The following KLHL2 variants were observed in gnomAD, a reference collection of about 807,000 sequenced individuals.
KLHL2 encodes the protein kelch-like protein 2.
In KLHL2, 15 loss-of-function variants were observed where a neutral mutation model predicts 75.8. That is an observed-to-expected ratio of 0.20 (90% confidence interval 0.13 to 0.30). KLHL2 has a LOEUF of 0.30. Among genes scored for constraint, KLHL2 ranks in the 10% least tolerant of loss-of-function variants. The pLI is 1.00. For missense variants in KLHL2, 381 were observed against 741.0 expected (o/e 0.51, Z 5.64); for synonymous variants, 214 against 251.9 (o/e 0.85, Z 1.42).
At chr4:165,230,193 G>A (rs942715475) in intron 3 of KLHL2, among the ~76,000 whole-genome samples, 1 of 152,184 alleles carries the variant, frequency 6.6e-6, no homozygotes, top group Non-Finnish European at 1.5e-5. Flanking sequence ...TCTAAGGCTT[G>A]TAAGAGAAGG....
rs1746810413 is a variant in KLHL2, at chr4:165,319,425, A to T, written c.1753+1456A>T. On this transcript the variant is annotated intron_variant, in intron 14 of 14. Coordinates refer to ENST00000226725, the MANE Select transcript of KLHL2 (RefSeq NM_007246.4). This position sits in a 1 kb window ranked among gnomAD's most constrained non-coding sequence, Gnocchi z 4.5. ...ACAAGAAAAAGCTGAATTGCTTGAG[A>T]TATACCATGGATTGAGGTCTGCTGC... Among the ~76,000 whole-genome samples, 1 of 152,218 alleles carries T rather than the reference A, an allele frequency of 6.6e-6. No individual in the cohort carries two copies.
chr4:165,292,325 T>TG (rs1744578677), intron 5 of KLHL2, among the ~76,000 whole-genome samples: 1 of 146,874 alleles, frequency 6.8e-6, no homozygotes, highest in Admixed American at 6.8e-5. Flanking sequence ...ATAGTTATCT[T>TG]GGGGTGAACT....
At chr4:165,267,141 G>A (rs1742305278) in intron 5 of KLHL2, among the ~76,000 whole-genome samples, 1 of 152,202 alleles carries the variant, frequency 6.6e-6, no homozygotes, top group South Asian at 2.1e-4. Context: ...AGGAATGCTT[G>A]TGATTTTTGC....
chr4:165,288,171 T>C (rs535587223), intron 5 of KLHL2, among the ~76,000 whole-genome samples: 1 of 152,168 alleles, frequency 6.6e-6, no homozygotes, highest in Admixed American at 6.5e-5. Context: ...TTTGAATTAA[T>C]TTTTGTGTAT....
In KLHL2 at chr4:165,309,794, A is replaced by C. The variant is rs186503070; in HGVS notation, c.1040-759A>C. 9.2e-5 allele frequency among the ~76,000 whole-genome samples: 14 copies of C among 152,298 alleles called. No homozygotes were observed. In the East Asian group the frequency reaches 2.7e-3, roughly 29 times the overall value. On this transcript the variant is annotated intron_variant, in intron 9 of 14. Coordinates refer to ENST00000226725, the MANE Select transcript of KLHL2 (RefSeq NM_007246.4). ...GGACCAAATTTAGCCTGTAGCTGTA[A>C]ATTTGCCGACCCCTGATTTAGCCCA... is the stretch of plus-strand genomic sequence containing the variant.
rs377740996 is a variant in KLHL2 at position 165,224,803 on chromosome 4, A to G, written c.153-4004A>G. 7.9e-5 allele frequency among the ~76,000 whole-genome samples: 12 copies of G among 152,374 alleles called. No individual in the cohort carries two copies. The Middle Eastern group carries it at 0.01, about 130-fold the overall frequency. ...TAATGTATAATAATCACATTAGAGT[A>G]AATGGGATATCCATGACCTCAAGCA... On this transcript the variant is annotated intron_variant, in intron 2 of 14. Coordinates refer to ENST00000226725, the MANE Select transcript of KLHL2 (RefSeq NM_007246.4).
At chr4:165,236,528 T>A (rs1739360846) in intron 3 of KLHL2, among the ~76,000 whole-genome samples, 1 of 152,320 alleles carries the variant, frequency 6.6e-6, no homozygotes, top group East Asian at 1.9e-4. Context: ...TCATTCATAG[T>A]TTTTAAAATG....
Position 165,230,046 on chromosome 4 carries a change from T to C in KLHL2, c.259+1133T>C, listed in dbSNP as rs1308239666. Among the ~76,000 whole-genome samples the C allele has an allele frequency of 4.6e-5, 7 of 152,282 alleles. No individual in the cohort carries two copies. The East Asian group carries it at 1.2e-3, about 25-fold the overall frequency. On this transcript the variant is annotated intron_variant, in intron 3 of 14. Coordinates refer to ENST00000226725, the MANE Select transcript of KLHL2 (RefSeq NM_007246.4). The stretch of plus-strand genomic sequence containing the variant: ...AAGTTTGGGAGGGTTGCCTTTCAGC[T>C]GAGAGCTGAGGTTGATCTGAAAAGT...
chr4:165,267,385 G>C (rs1307810277), intron 5 of KLHL2, among the ~76,000 whole-genome samples: 1 of 152,130 alleles, frequency 6.6e-6, no homozygotes, highest in African/African-American at 2.4e-5. Context: ...TCCTTGTCCT[G>C]TGCTGGTTTT....
chr4:165,315,192 G>C (rs903268085), intron 13 of KLHL2, among the ~76,000 whole-genome samples: 1 of 152,110 alleles, frequency 6.6e-6, no homozygotes, highest in African/African-American at 2.4e-5. Context: ...TGTCTTCCTG[G>C]ATTAGGAAAT....
intron 4 of KLHL2, among the ~76,000 whole-genome samples, chr4:165,258,534 C>G (rs1378165973): frequency 6.6e-6 from 1 of 151,932 alleles, no homozygotes. Context: ...CAATGTAATT[C>G]TACCTCATAT....
At chr4:165,262,120 C>T (rs1022703692) in intron 4 of KLHL2, among the ~76,000 whole-genome samples, 2 of 151,956 alleles carry the variant, frequency 1.3e-5, no homozygotes, top group Non-Finnish European at 2.9e-5. Context: ...AAATGTTTTT[C>T]TATTATTGAC....
rs746415679 is a variant in KLHL2 at position 165,278,807 on chromosome 4, C to A, written c.544+15448C>A. On this transcript the variant is annotated intron_variant, in intron 5 of 14. Transcript: ENST00000226725. Reference sequence around the variant, plus strand: ...ATTACATAGTAAGAAACATCCTGTTCCATACGTATTTTTGGCTTGTCCAAT... The same window carrying A: ...ATTACATAGTAAGAAACATCCTGTTACATACGTATTTTTGGCTTGTCCAAT... 4 of 1,543,044 alleles carry A rather than the reference C, an allele frequency of 2.6e-6. No homozygotes were observed. The African/African-American group carries it at 4.1e-5, about 16-fold the overall frequency.
At chr4:165,224,269 A>T (rs1738251732) in intron 2 of KLHL2, among the ~76,000 whole-genome samples, 1 of 152,066 alleles carries the variant, frequency 6.6e-6, no homozygotes, top group African/African-American at 2.4e-5. Flanking sequence ...ATAGGATAAG[A>T]CTGTACTTGA....
At chr4:165,310,402 A>G in intron 9 of KLHL2, 151 bp from the exon 10 acceptor site, 1 of 673,756 alleles carries the variant, frequency 1.5e-6, no homozygotes, top group South Asian at 1.7e-5. Flanking sequence ...GTTCTTGCAA[A>G]TGAATAGCAT....
intron 3 of KLHL2, among the ~76,000 whole-genome samples, chr4:165,232,916 T>C (rs1159677531): frequency 1.4e-5 from 2 of 139,182 alleles, no homozygotes; most frequent in East Asian, 2.0e-4. Flanking sequence ...GTAAAAATTA[T>C]GGTGAGGTTA....
chr4:165,320,026 A>T (rs182110933), intron 14 of KLHL2, among the ~76,000 whole-genome samples: 1 of 152,328 alleles, frequency 6.6e-6, no homozygotes, highest in Admixed American at 6.5e-5. Flanking sequence ...GGCTCAAAAA[A>T]TGTCAAGATA....
intron 4 of KLHL2, among the ~76,000 whole-genome samples, chr4:165,241,854 A>G (rs989803375): frequency 2.0e-5 from 3 of 152,186 alleles, no homozygotes; most frequent in Non-Finnish European, 4.4e-5. Flanking sequence ...GTTAACTTGG[A>G]GTCAGAATGA....
intron 5 of KLHL2, among the ~76,000 whole-genome samples, chr4:165,268,454 C>T (rs2126318835): frequency 6.6e-6 from 1 of 152,306 alleles, no homozygotes; most frequent in East Asian, 1.9e-4. Context: ...GCATTTAGCA[C>T]TGTAAATTTC....
Sources: gnomAD v4.1 joint callset for allele counts (sites outside exome capture counted in the v4.1 genomes callset) on GRCh38, gnomAD v4.1.1 for gene constraint, Gnocchi (gnomAD v3.1) non-coding constraint, MANE v1.5 for transcripts, NCBI Gene and HGNC (gene_info 2026-07-23, HGNC 2026-07-21) for gene names.